EPN2: variants seen among roughly 807,000 people sequenced by gnomAD.
The protein encoded by EPN2 is epsin 2.
EPN2 carries 34 observed loss-of-function variants against 61.7 expected under a neutral mutation model. The ratio of observed to expected loss-of-function variants is 0.55; its 90% CI spans 0.42 to 0.73. The LOEUF is 0.73. Ranked by LOEUF, EPN2 falls within the 30% of genes least tolerant of loss-of-function variation. The pLI is 0.00. For synonymous variants in EPN2, 349 were observed against 353.6 expected (o/e 0.99, Z 0.15); for missense variants, 714 against 839.2 (o/e 0.85, Z 1.84).
At chr17:19,332,154 T>G in intron 10 of EPN2, 86 bp downstream of exon 10, 2 of 1,017,424 alleles carry the variant, frequency 2.0e-6, no homozygotes. Flanking sequence ...CTTCCCACTG[T>G]GTGACGGGGA....
chr17:19,298,231 G>C (rs958886564), intron 4 of EPN2, among the ~76,000 whole-genome samples: 1 of 152,138 alleles, frequency 6.6e-6, no homozygotes, highest in Non-Finnish European at 1.5e-5. Context: ...GTCTTGCTCT[G>C]TTGTCCAGGC....
In EPN2 at chr17:19,279,231, C is replaced by T. The variant is rs539320127; in HGVS notation, c.-293-2724C>T. Among the ~76,000 whole-genome samples, 301 of 152,160 alleles carry T rather than the reference C, an allele frequency of 2.0e-3. 3 individuals carry two copies. The highest frequency in any genetic ancestry group is 2.5e-3 in the Non-Finnish European group (167 of 67,978). On this transcript the variant is annotated intron_variant, in intron 1 of 10. Coordinates refer to ENST00000314728, the MANE Select transcript of EPN2 (RefSeq NM_014964.5). ...CAGCTTATGTCTGGGAGGGCAGCGG[C>T]ACCTTGGCCCTTGCTCACAGGAATC... is the stretch of plus-strand genomic sequence containing the variant.
chr17:19,294,472 C>T (rs368145549), intron 4 of EPN2, among the ~76,000 whole-genome samples: 2 of 152,218 alleles, frequency 1.3e-5, no homozygotes, highest in Non-Finnish European at 1.5e-5. Flanking sequence ...TTGACATTGG[C>T]GTGTGCCATA....
At chr17:19,320,327 G>A (rs1906583974) in intron 7 of EPN2, among the ~76,000 whole-genome samples, 1 of 152,126 alleles carries the variant, frequency 6.6e-6, no homozygotes, top group Non-Finnish European at 1.5e-5. Flanking sequence ...CCAGGCCTGG[G>A]GACTGCTGAC....
chr17:19,313,784 GT>G (rs2152233048), intron 7 of EPN2: 1 of 153,876 alleles, frequency 6.5e-6, no homozygotes, highest in South Asian at 2.1e-4. Context: ...ATATTTTAAA[GT>G]TTTGCTTAAT....
At chr17:19,313,025 G>A in intron 6 of EPN2, 80 bp from the exon 7 acceptor site, 1 of 1,455,688 alleles carries the variant, frequency 6.9e-7, no homozygotes, top group South Asian at 1.3e-5. Flanking sequence ...GCACAGGTGG[G>A]TGATATTTAT....
At chr17:19,254,684 C>T (rs2045055193) in intron 1 of EPN2, among the ~76,000 whole-genome samples, 1 of 152,080 alleles carries the variant, frequency 6.6e-6, no homozygotes, top group Admixed American at 6.5e-5. Context: ...CAAACCCCAC[C>T]CTTCTTAGTC....
At chr17:19,314,654 C>T (rs923498264) in intron 7 of EPN2, among the ~76,000 whole-genome samples, 1 of 152,186 alleles carries the variant, frequency 6.6e-6, no homozygotes, top group Admixed American at 6.5e-5. Flanking sequence ...CCTTATACCC[C>T]CTTTGGCAGG....
At chr17:19,295,360 A>ATGCGCG in intron 4 of EPN2, among the ~76,000 whole-genome samples, 1 of 69,416 alleles carries the variant, frequency 1.4e-5, no homozygotes, top group South Asian at 3.4e-4. Flanking sequence ...ACACACACAC[A>ATGCGCG]CACACACGCG....
At chr17:19,288,402 G>A (rs1173168231) in intron 4 of EPN2, among the ~76,000 whole-genome samples, 4 of 152,184 alleles carry the variant, frequency 2.6e-5, no homozygotes, top group Non-Finnish European at 4.4e-5. Context: ...TGTAATGAGC[G>A]CTCTGGAAAA....
At chr17:19,320,630 T>G (rs940430171) in intron 7 of EPN2, among the ~76,000 whole-genome samples, 1 of 152,132 alleles carries the variant, frequency 6.6e-6, no homozygotes. Context: ...CCTAAGAGCT[T>G]CCCAAGAAGA....
chr17:19,259,361 G>T (rs2045115361), intron 1 of EPN2, among the ~76,000 whole-genome samples: 1 of 136,822 alleles, frequency 7.3e-6, no homozygotes, highest in Non-Finnish European at 1.5e-5. Context: ...CACCCAGGCT[G>T]GAGTGCAGTG....
chr17:19,311,683 T>TG (rs1389301923), intron 5 of EPN2, among the ~76,000 whole-genome samples: 2 of 152,226 alleles, frequency 1.3e-5, no homozygotes, highest in African/African-American at 4.8e-5. Flanking sequence ...AATTCCTTTT[T>TG]GGGTTGTCAG....
chr17:19,307,876 C>T, intron 4 of EPN2: 1 of 983,668 alleles, frequency 1.0e-6, no homozygotes, highest in Non-Finnish European at 1.2e-6. Context: ...TTCACCATAG[C>T]CATGGCCCAG....
intron 7 of EPN2, chr17:19,313,806 A>G (rs1179668254): frequency 6.5e-6 from 1 of 152,738 alleles, no homozygotes; most frequent in East Asian, 1.9e-4. Context: ...GTGAGATGTA[A>G]GAGGAATTGT....
chr17:19,248,121 A>G (rs2044972885), intron 1 of EPN2, among the ~76,000 whole-genome samples: 1 of 152,214 alleles, frequency 6.6e-6, no homozygotes, highest in Admixed American at 6.5e-5. Flanking sequence ...AATTGAAGCC[A>G]GAAGAAGCCT....
chr17:19,333,000 C>A (rs1197313807), intron 10 of EPN2, among the ~76,000 whole-genome samples: 1 of 152,176 alleles, frequency 6.6e-6, no homozygotes, highest in African/African-American at 2.4e-5. Flanking sequence ...GGTTGGGGAC[C>A]CTTGGGCAGA....
chr17:19,271,501 C>T (rs954881087), intron 1 of EPN2: 7 of 152,274 alleles, frequency 4.6e-5, no homozygotes, highest in African/African-American at 1.4e-4. Context: ...TGAAGGAGCT[C>T]ATCCTTTGAG....
intron 3 of EPN2, among the ~76,000 whole-genome samples, chr17:19,284,403 G>C (rs1045512597): frequency 1.3e-5 from 2 of 152,204 alleles, no homozygotes; most frequent in Admixed American, 6.5e-5. Context: ...GTCTCTGTGA[G>C]TCACATTGGC....
Sources: allele counts gnomAD v4.1 joint callset (sites outside exome capture counted in the v4.1 genomes callset), GRCh38; gene constraint gnomAD v4.1.1; transcripts MANE v1.5; gene names NCBI Gene and HGNC (gene_info 2026-07-23, HGNC 2026-07-21).